Variants in ZC3HC1 observed in about 807,000 individuals in gnomAD.
ZC3HC1 encodes the protein zinc finger C3HC-type containing 1, also known as zinc finger C3HC-type protein 1.
A neutral mutation model predicts 61.9 loss-of-function variants in ZC3HC1; 38 were observed. The ratio of observed to expected loss-of-function variants is 0.61; its 90% CI spans 0.47 to 0.81. The LOEUF (loss-of-function observed/expected upper bound fraction) is 0.81. Among genes scored for constraint, ZC3HC1 ranks in the 30% least tolerant of loss-of-function variants. ZC3HC1 has a pLI of 0.00. For missense variants in ZC3HC1, 554 were observed against 622.7 expected (o/e 0.89, Z 1.17); for synonymous variants, 213 against 229.9 (o/e 0.93, Z 0.67).
chr7:130,045,226 A>G (rs1794816272), intron 2 of ZC3HC1: 1 of 181,070 alleles, frequency 5.5e-6, no homozygotes, highest in East Asian at 1.4e-4. Flanking sequence ...ACTTTCAAAT[A>G]GCTCAGGGAA....
intron 2 of ZC3HC1, among the ~76,000 whole-genome samples, chr7:130,042,112 G>A (rs1403166689): frequency 6.6e-6 from 1 of 151,916 alleles, no homozygotes; most frequent in Non-Finnish European, 1.5e-5. Flanking sequence ...AGATCAGCCT[G>A]GGCAACACGG....
intron 4 of ZC3HC1, among the ~76,000 whole-genome samples, chr7:130,029,780 C>T (rs2116698575): frequency 6.6e-6 from 1 of 152,126 alleles, no homozygotes; most frequent in Non-Finnish European, 1.5e-5. Context: ...GAGATGGATG[C>T]TTAAATAGGT....
chr7:130,026,141 A>T lies in ZC3HC1; in HGVS notation c.776+17T>A. 1 of 1,609,518 alleles carries T rather than the reference A, an allele frequency of 6.2e-7. No homozygotes were observed. The highest frequency in any genetic ancestry group is 2.2e-5 in the East Asian group (1 of 44,776). On this transcript the variant is annotated intron_variant, in intron 6 of 9. Transcript: ENST00000358303. Reference sequence around the variant, plus strand: ...GTTGTCATGGTTCATGTCTCCAGGCAAAATCTGCTGACTCACCTACACGCC... The same window carrying T: ...GTTGTCATGGTTCATGTCTCCAGGCTAAATCTGCTGACTCACCTACACGCC...
intron 3 of ZC3HC1, among the ~76,000 whole-genome samples, chr7:130,040,652 A>G (rs1034791758): frequency 6.6e-6 from 1 of 151,272 alleles, no homozygotes; most frequent in African/African-American, 2.4e-5. Flanking sequence ...CAAAAAAAAA[A>G]CAAAAATTAG....
At position 130,023,763 on chromosome 7, in the gene ZC3HC1, T is replaced by C. The variant is rs767600028; in HGVS notation, c.1021-40A>G. 1 of 1,473,510 alleles carries C rather than the reference T, an allele frequency of 6.8e-7. No individual in the cohort carries two copies. Among genetic ancestry groups the C allele is most frequent in the South Asian group, 1.2e-5 (1 of 83,912 alleles). The allele number at this position is 1,473,510 out of a possible 1,614,324, so 91.3% of individuals were successfully genotyped here. A position where few individuals can be genotyped will look rare whatever the true frequency, so the allele number is the denominator to read the frequency against. On this transcript the variant is annotated intron_variant, in intron 7 of 9. Transcript: ENST00000358303. The surrounding 1 kb of genome is among the most constrained non-coding windows in gnomAD (Gnocchi z 4.2). Reference sequence around the variant, plus strand: ...AGATAATGGAAGTACACGAATGATATTAATGATTATGGTCAGAAATACTTC... The same window carrying C: ...AGATAATGGAAGTACACGAATGATACTAATGATTATGGTCAGAAATACTTC...
intron 9 of ZC3HC1, among the ~76,000 whole-genome samples, chr7:130,019,775 G>A (rs940189109): frequency 1.3e-4 from 19 of 143,836 alleles, no homozygotes; most frequent in African/African-American, 4.9e-4. Context: ...ATGATCCACA[G>A]TTACCTCCAG....
At chr7:130,028,570 T>C (rs975693467) in intron 5 of ZC3HC1, among the ~76,000 whole-genome samples, 6 of 151,818 alleles carry the variant, frequency 4.0e-5, no homozygotes, top group African/African-American at 1.2e-4. Context: ...ATTTAAGTAA[T>C]AAATCAAGAT....
chr7:130,038,587 A>G lies in ZC3HC1; in HGVS notation c.493+877T>C, dbSNP rs527790997. 2.6e-5 allele frequency among the ~76,000 whole-genome samples: 4 copies of G among 152,278 alleles called. No individual in the cohort carries two copies. In the South Asian group the frequency reaches 8.3e-4, roughly 32 times the overall value. ...AATGAACTGGGTTATGGCCGGGCACAGTGGCTGATGCCTGTAATCCCAGCA... is the reference window on the plus strand; with the variant it reads ...AATGAACTGGGTTATGGCCGGGCACGGTGGCTGATGCCTGTAATCCCAGCA... On this transcript the variant is annotated intron_variant, in intron 4 of 9. Coordinates refer to ENST00000358303, the MANE Select transcript of ZC3HC1 (RefSeq NM_016478.5).
chr7:130,025,870 C>CAAA (rs71175064), intron 6 of ZC3HC1, among the ~76,000 whole-genome samples: 1,019 of 52,262 alleles, frequency 0.019, no homozygotes, highest in Middle Eastern at 0.042. Context: ...GACTCCGTCT[C>CAAA]AAAAAAAAAA....
chr7:130,047,110 G>A (rs959810550), intron 2 of ZC3HC1, among the ~76,000 whole-genome samples: 2 of 152,292 alleles, frequency 1.3e-5, no homozygotes, highest in East Asian at 3.9e-4. Context: ...CTACAAGCAT[G>A]TGCCACCATG....
chr7:130,041,344 C>T (rs1475662589), intron 2 of ZC3HC1, among the ~76,000 whole-genome samples: 1 of 151,964 alleles, frequency 6.6e-6, no homozygotes, highest in East Asian at 1.9e-4. Context: ...CACGCCACCA[C>T]ACCCAGCTAA....
intron 4 of ZC3HC1, chr7:130,036,777 A>G (rs1438286086): frequency 1.3e-5 from 2 of 152,314 alleles, no homozygotes; most frequent in East Asian, 3.9e-4. Context: ...TTGAAAGGTT[A>G]TATCTAAGAT....
intron 2 of ZC3HC1, among the ~76,000 whole-genome samples, chr7:130,044,687 T>C (rs1794799752): frequency 6.6e-6 from 1 of 152,186 alleles, no homozygotes; most frequent in African/African-American, 2.4e-5. Flanking sequence ...CAAAGTACTT[T>C]TTATTTACAA....
At chr7:130,049,172 A>T (rs369612838) in intron 1 of ZC3HC1, 28 bp from the exon 2 acceptor site, 2 of 1,551,902 alleles carry the variant, frequency 1.3e-6, no homozygotes, top group African/African-American at 2.7e-5. Flanking sequence ...AACTGTTGGT[A>T]AACCTTTCAC....
At chr7:130,045,845 C>G (rs1794841814) in intron 2 of ZC3HC1, among the ~76,000 whole-genome samples, 1 of 139,262 alleles carries the variant, frequency 7.2e-6, no homozygotes, top group Non-Finnish European at 1.5e-5. Flanking sequence ...AAGCCAAGAT[C>G]ACACCAGTGC....
In ZC3HC1 at chr7:130,023,769, A is replaced by C. The variant is rs1193239648; in HGVS notation, c.1021-46T>G. The C allele has an allele frequency of 5.6e-6, 8 of 1,427,638 alleles. No individual in the cohort carries two copies. The highest frequency in any genetic ancestry group is 6.8e-6 in the Non-Finnish European group (7 of 1,031,824). The allele number at this position is 1,427,638 out of a possible 1,614,324, so 88.4% of individuals were successfully genotyped here. ...TGGAAGTACACGAATGATATTAATGATTATGGTCAGAAATACTTCTTTCTT... is the reference window on the plus strand; with the variant it reads ...TGGAAGTACACGAATGATATTAATGCTTATGGTCAGAAATACTTCTTTCTT... On this transcript the variant is annotated intron_variant, in intron 7 of 9. Coordinates refer to ENST00000358303, the MANE Select transcript of ZC3HC1 (RefSeq NM_016478.5). The surrounding 1 kb of genome is among the most constrained non-coding windows in gnomAD (Gnocchi z 4.2).
chr7:130,041,653 C>T (rs1336176723), intron 2 of ZC3HC1, among the ~76,000 whole-genome samples: 5 of 151,730 alleles, frequency 3.3e-5, no homozygotes, highest in South Asian at 2.1e-4. Flanking sequence ...CTCAGCCTCC[C>T]GAGTAGCTGG....
intron 5 of ZC3HC1, chr7:130,026,582 C>G (rs968127261): frequency 2.5e-5 from 7 of 284,902 alleles, no homozygotes; most frequent in Non-Finnish European, 3.9e-5. Flanking sequence ...GTTCAATTTA[C>G]CAGCTGCAGA....
chr7:130,026,428 A>C (rs768479622), intron 5 of ZC3HC1, 116 bp from the exon 6 acceptor site: 129 of 1,081,402 alleles, frequency 1.2e-4, no homozygotes, highest in Non-Finnish European at 1.6e-4. Context: ...ACAAACATGA[A>C]GATACTTCTC....
Sources: gnomAD v4.1 joint callset for allele counts (sites outside exome capture counted in the v4.1 genomes callset) on GRCh38, gnomAD v4.1.1 for gene constraint, Gnocchi (gnomAD v3.1) non-coding constraint, MANE v1.5 for transcripts, NCBI Gene and HGNC (gene_info 2026-07-23, HGNC 2026-07-21) for gene names.